The following VPS13B variants were observed in gnomAD, a reference collection of about 807,000 sequenced individuals.
VPS13B encodes intermembrane lipid transfer protein VPS13B.
VPS13B carries 285 observed loss-of-function variants against 426.4 expected under a neutral mutation model. The observed-to-expected ratio is 0.67, with a 90% CI of 0.61 to 0.74. The LOEUF is 0.74. Ranked by LOEUF, VPS13B falls within the 30% of genes least tolerant of loss-of-function variation. The pLI is 0.00. For synonymous variants in VPS13B, 1,676 were observed against 1,676.4 expected, an observed-to-expected ratio of 1.00 and a Z score of 0.01; for missense variants, 4,537 against 4,782.6, an observed-to-expected ratio of 0.95 and a Z score of 1.51.
At chr8:99,127,598 T>A (rs1261100777) in intron 8 of VPS13B, among the ~76,000 whole-genome samples, 4 of 152,198 alleles carry the variant, frequency 2.6e-5, no homozygotes, top group Admixed American at 1.3e-4. Context: ...ATCAGCTTTA[T>A]TGCAACTTAT....
intron 43 of VPS13B, among the ~76,000 whole-genome samples, chr8:99,794,552 T>C (rs1812712368): frequency 6.6e-6 from 1 of 152,212 alleles, no homozygotes; most frequent in African/African-American, 2.4e-5. Flanking sequence ...TTTGTGCACA[T>C]GGCTCCAGCC....
intron 3 of VPS13B, among the ~76,000 whole-genome samples, chr8:99,052,093 A>G (rs1843587981): frequency 6.7e-6 from 1 of 149,030 alleles, no homozygotes; most frequent in Admixed American, 6.8e-5. Context: ...GAGAGAGGGC[A>G]TCCCTGTCTT....
chr8:99,846,353 A>T (rs1423237863), intron 54 of VPS13B, among the ~76,000 whole-genome samples: 1 of 152,190 alleles, frequency 6.6e-6, no homozygotes, highest in Non-Finnish European at 1.5e-5. Flanking sequence ...CGAGGGTAGG[A>T]TTGCATCTTC....
chr8:99,820,086 T>G lies in VPS13B; in HGVS notation c.8958T>G (p.Val2986=), dbSNP rs753530965. 6.2e-6 allele frequency: 10 copies of G among 1,614,004 alleles called. No homozygotes were observed. In the East Asian group the frequency reaches 2.2e-4, roughly 36 times the overall value. The part of the protein sequence containing the change: ...LFEGEKIVLQ[V]PAGKIIIPPN... ...AAGGAGAGAAAATTGTTCTACAGGT[T>G]CCTGCTGGCAAAATTATTATTCCTC... The change falls in exon 49 of 62, where the codon GTT becomes GTG. Residue 2986 remains valine, a synonymous_variant. Coordinates refer to ENST00000357162, the MANE Select transcript of VPS13B (RefSeq NM_152564.5).
At chr8:99,684,573 A>G (rs1340721875) in intron 35 of VPS13B, among the ~76,000 whole-genome samples, 4 of 152,182 alleles carry the variant, frequency 2.6e-5, no homozygotes, top group African/African-American at 9.7e-5. Flanking sequence ...CCATTTTGGT[A>G]GTATTTTGAA....
intron 23 of VPS13B, among the ~76,000 whole-genome samples, chr8:99,456,056 C>T (rs961867054): frequency 3.9e-5 from 6 of 152,172 alleles, no homozygotes; most frequent in African/African-American, 1.2e-4. Flanking sequence ...GTGGTTATAC[C>T]GTTTTACATT....
chr8:99,423,972 TTC>T, intron 21 of VPS13B, among the ~76,000 whole-genome samples: 2 of 152,290 alleles, frequency 1.3e-5, no homozygotes, highest in Middle Eastern at 6.8e-3. Context: ...TTTGTTAACT[TTC>T]TGTCTCGTTG....
intron 37 of VPS13B, among the ~76,000 whole-genome samples, chr8:99,717,645 A>C (rs1422850758): frequency 6.6e-6 from 1 of 152,136 alleles, no homozygotes; most frequent in African/African-American, 2.4e-5. Flanking sequence ...TACCACCAAC[A>C]AAAAAACCCA....
At chr8:99,665,370 GT>G (rs1830443249) in intron 35 of VPS13B, among the ~76,000 whole-genome samples, 1 of 152,102 alleles carries the variant, frequency 6.6e-6, no homozygotes, top group African/African-American at 2.4e-5. Context: ...TGCTTTTGGT[GT>G]TTTAGACATG....
chr8:99,516,042 C>G (rs1317452713), intron 29 of VPS13B, among the ~76,000 whole-genome samples: 1 of 152,140 alleles, frequency 6.6e-6, no homozygotes, highest in East Asian at 1.9e-4. Context: ...ACTTGCATCT[C>G]TATCTGAGGT....
chr8:99,293,808 A>G (rs1429071069), intron 19 of VPS13B, among the ~76,000 whole-genome samples: 1 of 151,602 alleles, frequency 6.6e-6, no homozygotes, highest in African/African-American at 2.4e-5. Context: ...ATCACTGGCC[A>G]TCAGAGAAAT....
At chr8:99,667,076 A>G (rs1316772826) in intron 35 of VPS13B, among the ~76,000 whole-genome samples, 2 of 152,194 alleles carry the variant, frequency 1.3e-5, no homozygotes, top group African/African-American at 4.8e-5. Flanking sequence ...AATGAATTGA[A>G]ATAGTTATTT....
In VPS13B at chr8:99,013,888, G is replaced by C; in HGVS notation, c.100G>C (p.Asp34His). ...SDLQLSLWGG[D>H]VVLSKLELKL... ...TCTACAGCTTTCACTATGGGGTGGAGACGTGGTACTCAGCAAGCTCGAGTT... is the reference window on the plus strand; with the variant it reads ...TCTACAGCTTTCACTATGGGGTGGACACGTGGTACTCAGCAAGCTCGAGTT... The change falls in exon 2 of 62, where the codon GAC becomes CAC. Residue 34 changes from aspartate (D) to histidine (H), a missense_variant. Physicochemically the swap from Asp to His is moderately conservative, Grantham distance 81. This residue lies in a region of VPS13B where 226 missense variants were observed against 308.3 expected (regional missense o/e 0.73). Transcript: ENST00000357162. 1 of 1,614,160 alleles carries C rather than the reference G, an allele frequency of 6.2e-7. No homozygotes were observed. The highest frequency in any genetic ancestry group is 8.5e-7 in the Non-Finnish European group (1 of 1,180,030).
chr8:99,342,718 A>G (rs991978362), intron 19 of VPS13B, among the ~76,000 whole-genome samples: 2 of 152,216 alleles, frequency 1.3e-5, no homozygotes, highest in African/African-American at 4.8e-5. Flanking sequence ...CAGTGCAGAT[A>G]TCCCTTTGAC....
At chr8:99,814,193 G>A (rs1256569884) in intron 44 of VPS13B, among the ~76,000 whole-genome samples, 1 of 152,064 alleles carries the variant, frequency 6.6e-6, no homozygotes, top group Non-Finnish European at 1.5e-5. Context: ...CATATTTATT[G>A]GTGTAAATAA....
Position 99,511,507 on chromosome 8 carries a change from T to C in VPS13B, c.4628T>C (p.Val1543Ala). The change falls in exon 29 of 62, where the codon GTT becomes GCT. Residue 1543 changes from valine to alanine, a missense_variant. Physicochemically the swap from Val to Ala is moderately conservative, Grantham distance 64 (BLOSUM62 0). Transcript: ENST00000357162. ...IPKTEEMQPT[V>A]EANQAAKEDT... is the part of the protein sequence containing the mutation. ...AAAACAGAAGAAATGCAGCCAACTG[T>C]TGAAGGTATTGTCTTCTGATTTTTT... 6.2e-7 allele frequency: 1 copy of C among 1,612,436 alleles called. No homozygotes were observed. The highest frequency in any genetic ancestry group is 1.1e-5 in the South Asian group (1 of 90,334).
chr8:99,556,467 G>T lies in VPS13B; in HGVS notation c.4763G>T (p.Gly1588Val), dbSNP rs760057249. The T allele has an allele frequency of 3.0e-5, 48 of 1,612,392 alleles. No individual in the cohort carries two copies. The highest frequency in any genetic ancestry group is 6.6e-5 in the South Asian group (6 of 91,026). Reference sequence around the variant, plus strand: ...CTTTACAGGAGAGCCTTGAACTTAGGAATTCTTCGAGATCCTGGATCAGAA... The same window carrying T: ...CTTTACAGGAGAGCCTTGAACTTAGTAATTCTTCGAGATCCTGGATCAGAA... The part of the protein sequence containing the change: ...KDIYQRALNL[G>V]ILRDPGSEIE... Residue 1588 changes from glycine to valine, a missense_variant, in exon 31 of 62, where the codon GGA (glycine) becomes GTA (valine). Physicochemically the swap from Gly to Val is moderately radical, Grantham distance 109. This residue lies in a region of VPS13B where 4,311 missense variants were observed against 4,474.3 expected (regional missense o/e 0.96). Transcript: ENST00000357162.
chr8:99,424,191 T>G (rs1331525803), intron 21 of VPS13B: 1 of 152,232 alleles, frequency 6.6e-6, no homozygotes, highest in East Asian at 1.9e-4. Context: ...TTGATCTTTG[T>G]TGGTTTAAAG....
At chr8:99,043,592 A>G (rs931445497) in intron 3 of VPS13B, among the ~76,000 whole-genome samples, 1 of 152,100 alleles carries the variant, frequency 6.6e-6, no homozygotes, top group East Asian at 1.9e-4. Flanking sequence ...TGACCTGACT[A>G]TATAATCATT....
Sources: gnomAD v4.1 joint callset for allele counts (sites outside exome capture counted in the v4.1 genomes callset) on GRCh38, gnomAD v4.1.1 for gene constraint, gnomAD v4.1.1 regional missense constraint, MANE v1.5 for transcripts, NCBI Gene and HGNC (gene_info 2026-07-23, HGNC 2026-07-21) for gene names.